The following JMY variants were observed in gnomAD, a reference collection of about 807,000 sequenced individuals.
The protein encoded by JMY is junction mediating and regulatory protein, p53 cofactor, also known as junction-mediating and -regulatory protein.
In JMY, 46 loss-of-function variants were observed where a neutral mutation model predicts 103.3. The ratio of observed to expected loss-of-function variants is 0.45; its 90% confidence interval spans 0.35 to 0.57. The LOEUF (loss-of-function observed/expected upper bound fraction) is 0.57. Among genes scored for constraint, JMY ranks in the 20% least tolerant of loss-of-function variants. The probability of loss-of-function intolerance (pLI) is 0.00; values close to 1 mark genes in which losing one functional copy is unlikely to be tolerated. For synonymous variants in JMY, 526 were observed against 489.3 expected (o/e 1.07, Z -0.99); for missense variants, 1,238 against 1,255.2 (o/e 0.99, Z 0.21).
chr5:79,260,340 C>T (rs918705736), intron 1 of JMY, among the ~76,000 whole-genome samples: 4 of 152,204 alleles, frequency 2.6e-5, no homozygotes, highest in African/African-American at 9.6e-5. Flanking sequence ...GCCACCACTG[C>T]CGCTCCCACA....
intron 1 of JMY, among the ~76,000 whole-genome samples, chr5:79,277,456 G>A (rs547967872): frequency 1.8e-4 from 27 of 150,440 alleles, no homozygotes; most frequent in Admixed American, 6.6e-5. Context: ...GTGAGACCCC[G>A]TCTCTACAAA....
At chr5:79,311,544 G>A (rs1445342638) in intron 7 of JMY, among the ~76,000 whole-genome samples, 3 of 152,068 alleles carry the variant, frequency 2.0e-5, no homozygotes, top group Non-Finnish European at 2.9e-5. Flanking sequence ...CTGGTCTTCT[G>A]GGAGGTATCT....
intron 4 of JMY, among the ~76,000 whole-genome samples, chr5:79,297,245 G>A (rs1037088499): frequency 2.0e-5 from 3 of 152,142 alleles, no homozygotes; most frequent in African/African-American, 7.2e-5. Flanking sequence ...GTTGAGCTAA[G>A]TTAAATTTTA....
rs1459135582 is a variant in JMY at position 79,321,837 on chromosome 5, CCTT to C, written c.*238_*240del. On this transcript the variant is annotated 3_prime_UTR_variant, in exon 11 of 11. Transcript: ENST00000396137. ...GTTCCTGACTGCAATGAAGAAAAGG[CCTT>C]CTGGAGATTTCTGTTTTTTAAGCAC... The C allele has an allele frequency of 6.6e-6, 1 of 152,120 alleles. No homozygotes were observed. Among genetic ancestry groups the C allele is most frequent in the Non-Finnish European group, 1.5e-5 (1 of 68,024 alleles). 9.4% of individuals were successfully genotyped at this position (152,120 alleles called of 1,614,324 possible).
At chr5:79,298,626 C>T (rs1746636556) in intron 4 of JMY, among the ~76,000 whole-genome samples, 1 of 152,218 alleles carries the variant, frequency 6.6e-6, no homozygotes. Context: ...ACAGCGGGAT[C>T]ACTCACAGTC....
At position 79,236,458 on chromosome 5, in the gene JMY, C is replaced by A. The variant is rs1744495946; in HGVS notation, c.-193C>A. On this transcript the variant is annotated 5_prime_UTR_variant, in exon 1 of 11. Transcript: ENST00000396137. ...CCCGGGACGCTTATTGTCCTTCTCTCGATCCGCGCCACAAAGGAGCTCGGC... is the reference window on the plus strand; with the variant it reads ...CCCGGGACGCTTATTGTCCTTCTCTAGATCCGCGCCACAAAGGAGCTCGGC... 4.7e-6 allele frequency: 2 copies of A among 423,874 alleles called. No homozygotes were observed. The highest frequency in any genetic ancestry group is 3.7e-5 in the East Asian group (1 of 26,794). 26.3% of individuals were successfully genotyped at this position (423,874 alleles called of 1,614,324 possible).
chr5:79,255,482 T>G (rs983810910), intron 1 of JMY, among the ~76,000 whole-genome samples: 2 of 152,238 alleles, frequency 1.3e-5, no homozygotes, highest in African/African-American at 4.8e-5. Flanking sequence ...CTAGATCATC[T>G]TGGTACTTGT....
In JMY at chr5:79,246,785, G is replaced by C. The variant is rs1292137471; in HGVS notation, c.1032+9103G>C. The stretch of plus-strand genomic sequence containing the variant: ...AATCCCAGCTAACTTGGGAGGCTGA[G>C]GCAGGAGAATCACTTGAACCTGGGA... On this transcript the variant is annotated intron_variant, in intron 1 of 10. Transcript: ENST00000396137. Among the ~76,000 whole-genome samples, 4 of 152,054 alleles carry C rather than the reference G, an allele frequency of 2.6e-5. No individual in the cohort carries two copies. The South Asian group carries it at 8.3e-4, about 32-fold the overall frequency.
At chr5:79,296,601 C>A (rs552724444) in intron 4 of JMY, among the ~76,000 whole-genome samples, 12 of 152,228 alleles carry the variant, frequency 7.9e-5, no homozygotes, top group Non-Finnish European at 1.5e-4. Flanking sequence ...ACTGTCTCAG[C>A]CTCCTAAGTC....
At chr5:79,251,200 G>T (rs908629752) in intron 1 of JMY, among the ~76,000 whole-genome samples, 5 of 151,948 alleles carry the variant, frequency 3.3e-5, no homozygotes, top group Non-Finnish European at 7.4e-5. Context: ...TAAGATAGCT[G>T]GGCATATCTG....
At position 79,237,795 on chromosome 5, in the gene JMY, G is replaced by A. The variant is rs1038181748; in HGVS notation, c.1032+113G>A. On this transcript the variant is annotated intron_variant, in intron 1 of 10. Transcript: ENST00000396137. ...GCGCAGTAGGACGGTTGTTTTTCTG[G>A]ACAAGCGGAAACCAAGAGGGGTTCC... The A allele has an allele frequency of 6.4e-6, 6 of 939,426 alleles. No homozygotes were observed. The East Asian group carries it at 7.9e-5, about 12-fold the overall frequency. 58.2% of individuals were successfully genotyped at this position (939,426 alleles called of 1,614,324 possible). A position where few individuals can be genotyped will look rare whatever the true frequency, so the allele number is the denominator to read the frequency against.
chr5:79,283,080 T>C (rs1327198482), intron 2 of JMY, among the ~76,000 whole-genome samples: 1 of 151,806 alleles, frequency 6.6e-6, no homozygotes, highest in Non-Finnish European at 1.5e-5. Flanking sequence ...CAACCTCTGC[T>C]TCCCGGGTTC....
In JMY at chr5:79,324,527, C is replaced by T. The variant is rs147769915; in HGVS notation, c.*2925C>T. Reference sequence around the variant, plus strand: ...GACATTTTGAGATTAATGTTACTGCCCACTTGACTGTCAATTTCAAATGGC... The same window carrying T: ...GACATTTTGAGATTAATGTTACTGCTCACTTGACTGTCAATTTCAAATGGC... On this transcript the variant is annotated 3_prime_UTR_variant, in exon 11 of 11. Transcript: ENST00000396137. 1 of 152,110 alleles carries T rather than the reference C, an allele frequency of 6.6e-6. No individual in the cohort carries two copies. The highest frequency in any genetic ancestry group is 2.1e-4 in the South Asian group (1 of 4,824). The allele number at this position is 152,110 out of a possible 1,614,324, so 9.4% of individuals were successfully genotyped here. A position where few individuals can be genotyped will look rare whatever the true frequency, so the allele number is the denominator to read the frequency against.
chr5:79,290,379 C>A, intron 3 of JMY, 108 bp downstream of exon 3: 1 of 675,908 alleles, frequency 1.5e-6, no homozygotes. Flanking sequence ...CACTCATAAT[C>A]CCAGCAATTA....
At chr5:79,299,698 C>G (rs1175953987) in intron 4 of JMY, among the ~76,000 whole-genome samples, 1 of 152,168 alleles carries the variant, frequency 6.6e-6, no homozygotes, top group Non-Finnish European at 1.5e-5. Flanking sequence ...CAGAACCTAG[C>G]CAGTCTGTGA....
intron 3 of JMY, among the ~76,000 whole-genome samples, chr5:79,290,723 C>CA (rs754079516): frequency 1.3e-5 from 2 of 152,162 alleles, no homozygotes; most frequent in Non-Finnish European, 2.9e-5. Flanking sequence ...CACGGTGGCT[C>CA]ACGCCTGTAA....
rs192687185 is a variant in JMY at position 79,248,970 on chromosome 5, C to G, written c.1032+11288C>G. On this transcript the variant is annotated intron_variant, in intron 1 of 10. Transcript: ENST00000396137. ...TAGAGAAGAGGTCTCACTGTGTCAC[C>G]TAGGCTGGTCTCAAACTCCTGAGTT... Among the ~76,000 whole-genome samples, 234 of 152,184 alleles carry G rather than the reference C, an allele frequency of 1.5e-3. 1 individual carries two copies. Among genetic ancestry groups the G allele is most frequent in the African/African-American group, 5.3e-3 (222 of 41,532 alleles).
chr5:79,300,442 G>C (rs569882671), intron 5 of JMY, 124 bp downstream of exon 5: 1 of 928,946 alleles, frequency 1.1e-6, no homozygotes, highest in Non-Finnish European at 1.6e-6. Flanking sequence ...GATAGAGTGT[G>C]GGGGGGTGAT....
At chr5:79,250,164 G>A (rs963079688) in intron 1 of JMY, among the ~76,000 whole-genome samples, 7 of 152,124 alleles carry the variant, frequency 4.6e-5, no homozygotes, top group Admixed American at 1.3e-4. Flanking sequence ...ACTAAAAACC[G>A]TGTTTGTAAT....
Sources: gnomAD v4.1 joint callset for allele counts (sites outside exome capture counted in the v4.1 genomes callset) on GRCh38, gnomAD v4.1.1 for gene constraint, MANE v1.5 for transcripts, NCBI Gene and HGNC (gene_info 2026-07-23, HGNC 2026-07-21) for gene names.